NHSL3: variants seen among roughly 807,000 people sequenced by gnomAD.
The protein encoded by NHSL3 is NHS like 3, also known as NHS-like protein 3.
chr1:32,769,980 A>G, the NHSL3 span: 1 of 1,607,692 alleles, frequency 6.2e-7, no homozygotes, highest in Non-Finnish European at 8.5e-7. Context: ...GAGGCACCTC[A>G]GGGATGGGGG....
the NHSL3 span, among the ~76,000 whole-genome samples, chr1:32,754,705 A>G: frequency 9.9e-5 from 15 of 152,252 alleles, no homozygotes; most frequent in East Asian, 2.7e-3. Flanking sequence ...GCAGACCCTA[A>G]GGCACTCGGA....
At chr1:32,774,562 C>T in the NHSL3 span, 1 of 152,456 alleles carries the variant, frequency 6.6e-6, no homozygotes. Context: ...CTGCATGAAA[C>T]CAGGCCCTGG....
At chr1:32,767,719 G>T in the NHSL3 span, 1 of 1,414,572 alleles carries the variant, frequency 7.1e-7, no homozygotes, top group Middle Eastern at 1.8e-4. Flanking sequence ...TGCCCTTGCC[G>T]TGAGACCTGT....
the NHSL3 span, among the ~76,000 whole-genome samples, chr1:32,763,192 C>T: frequency 6.6e-6 from 1 of 151,844 alleles, no homozygotes; most frequent in African/African-American, 2.4e-5. Context: ...CCATGTTGGT[C>T]AGGCTGGTCT....
At chr1:32,771,886 C>G in the NHSL3 span, 1 of 1,591,018 alleles carries the variant, frequency 6.3e-7, no homozygotes, top group Non-Finnish European at 8.6e-7. Context: ...CACCCCAGCA[C>G]TGGGGCCATC....
the NHSL3 span, chr1:32,767,875 C>T: frequency 6.2e-7 from 1 of 1,614,048 alleles, no homozygotes; most frequent in South Asian, 1.1e-5. Context: ...AGGACAACGT[C>T]TTCTTTCCCA....
the NHSL3 span, among the ~76,000 whole-genome samples, chr1:32,747,312 C>T: frequency 1.3e-5 from 2 of 151,760 alleles, no homozygotes; most frequent in South Asian, 4.2e-4. Context: ...CAGCCTGGGA[C>T]TACAGGTGAG....
At chr1:32,769,660 G>T in the NHSL3 span, 2 of 1,603,316 alleles carry the variant, frequency 1.2e-6, no homozygotes, top group South Asian at 2.2e-5. Flanking sequence ...TTTCTCCCAC[G>T]ACTGGCCCCC....
the NHSL3 span, chr1:32,767,961 A>C: frequency 1.2e-6 from 2 of 1,612,846 alleles, no homozygotes; most frequent in Non-Finnish European, 1.7e-6. Flanking sequence ...CACCAAGGTA[A>C]GCTTCCTCTC....
At chr1:32,746,108 G>C in the NHSL3 span, among the ~76,000 whole-genome samples, 3 of 151,850 alleles carry the variant, frequency 2.0e-5, no homozygotes, top group Admixed American at 2.0e-4. Context: ...TCGGGCGCCT[G>C]TAGTCCCAGC....
chr1:32,744,107 C>T, the NHSL3 span, among the ~76,000 whole-genome samples: 1 of 152,162 alleles, frequency 6.6e-6, no homozygotes, highest in African/African-American at 2.4e-5. Context: ...GGAGAATGTT[C>T]AGAATGGAGA....
At chr1:32,765,525 T>G in the NHSL3 span, 1 of 1,041,794 alleles carries the variant, frequency 9.6e-7, no homozygotes, top group East Asian at 2.7e-5. Context: ...CTGGCCTCAG[T>G]TGCCTTTCTG....
the NHSL3 span, chr1:32,771,001 G>A: frequency 6.2e-7 from 1 of 1,608,088 alleles, no homozygotes. Context: ...CCCAGGCAAG[G>A]CCCAGCCCCC....
chr1:32,765,142 A>G, the NHSL3 span, among the ~76,000 whole-genome samples: 1 of 152,188 alleles, frequency 6.6e-6, no homozygotes, highest in Non-Finnish European at 1.5e-5. Flanking sequence ...CCTATGTATG[A>G]GGGGCTGTAC....
chr1:32,770,307 A>G, the NHSL3 span: 3 of 1,612,512 alleles, frequency 1.9e-6, no homozygotes, highest in Non-Finnish European at 2.5e-6. This position sits in a 1 kb window ranked among gnomAD's most constrained non-coding sequence, Gnocchi z 8.3. Context: ...GCCTGCGCAC[A>G]CTAAGCCGCT....
At chr1:32,771,301 C>T in the NHSL3 span, 2 of 1,603,146 alleles carry the variant, frequency 1.2e-6, no homozygotes, top group Non-Finnish European at 1.7e-6. Context: ...TCAGTCCCCT[C>T]CCACTCCCCA....
the NHSL3 span, among the ~76,000 whole-genome samples, chr1:32,764,032 A>C: frequency 0.15 from 22,429 of 150,966 alleles, 1,930 homozygotes; most frequent in Middle Eastern, 0.26. Flanking sequence ...GGTAATTTTC[A>C]AAGTTTTTTG....
At chr1:32,771,574 A>C in the NHSL3 span, 1 of 1,609,862 alleles carries the variant, frequency 6.2e-7, no homozygotes, top group Non-Finnish European at 8.5e-7. Context: ...CTCTGTGGCC[A>C]GCCCTGAGCC....
the NHSL3 span, chr1:32,771,687 T>TCCAGCTCCGCCAGCC: frequency 9.3e-6 from 15 of 1,611,578 alleles, no homozygotes; most frequent in Middle Eastern, 1.6e-4. Flanking sequence ...CAGACCCTCC[T>TCCAGCTCCGCCAGCC]CCAGCTCCGC....
Sources: gnomAD v4.1 joint callset for allele counts (sites outside exome capture counted in the v4.1 genomes callset) on GRCh38, gnomAD v4.1.1 for gene constraint, Gnocchi (gnomAD v3.1) non-coding constraint, MANE v1.5 for transcripts, NCBI Gene and HGNC (gene_info 2026-07-23, HGNC 2026-07-21) for gene names.